Variants in PDE12 observed in about 807,000 individuals in gnomAD.
The protein encoded by PDE12 is phosphodiesterase 12.
PDE12 carries 26 observed loss-of-function variants against 45.4 expected under a neutral mutation model. The observed-to-expected ratio is 0.57, with a 90% CI of 0.42 to 0.79. PDE12 has a LOEUF of 0.79. Ranked by LOEUF, PDE12 falls within the 30% of genes least tolerant of loss-of-function variation. The probability of loss-of-function intolerance (pLI) is 0.00; values close to 1 mark genes in which losing one functional copy is unlikely to be tolerated. For missense variants in PDE12, 668 were observed against 790.0 expected, an observed-to-expected ratio of 0.85 and a Z score of 1.85; for synonymous variants, 283 against 323.9, an observed-to-expected ratio of 0.87 and a Z score of 1.36.
the PDE12 span, among the ~76,000 whole-genome samples, chr3:57,598,969 AG>A: frequency 6.6e-6 from 1 of 152,182 alleles, no homozygotes; most frequent in African/African-American, 2.4e-5. Flanking sequence ...GACAGGCCTC[AG>A]TTAATTTAGA....
the PDE12 span, among the ~76,000 whole-genome samples, chr3:57,618,278 A>G: frequency 6.6e-6 from 1 of 152,220 alleles, no homozygotes; most frequent in Non-Finnish European, 1.5e-5. Flanking sequence ...TCCTCTCTGA[A>G]TCTTAAAGAA....
chr3:57,603,070 G>A, the PDE12 span, among the ~76,000 whole-genome samples: 1 of 151,816 alleles, frequency 6.6e-6, no homozygotes, highest in African/African-American at 2.4e-5. Context: ...AGCAGGCTGA[G>A]GCAGGAGAAT....
chr3:57,577,104 T>C, the PDE12 span, among the ~76,000 whole-genome samples: 647 of 151,924 alleles, frequency 4.3e-3, 3 homozygotes, highest in African/African-American at 0.015. Context: ...CTTACTGAAG[T>C]AGCTACTCTT....
In PDE12 at chr3:57,557,479, C is replaced by T; in HGVS notation, c.1100C>T (p.Ala367Val). The T allele has an allele frequency of 6.2e-7, 1 of 1,614,046 alleles. No individual in the cohort carries two copies. Among genetic ancestry groups the T allele is most frequent in the Non-Finnish European group, 8.5e-7 (1 of 1,180,026 alleles). The part of the protein sequence containing the change: ...FSDSLVPALE[A>V]FGLEGVFRIK... ...GACAGCTTGGTACCCGCCCTAGAGGCCTTCGGGCTCGAGGGGGTGTTTCGA... is the reference window on the plus strand; with the variant it reads ...GACAGCTTGGTACCCGCCCTAGAGGTCTTCGGGCTCGAGGGGGTGTTTCGA... The change falls in exon 1 of 3, where the codon GCC (alanine) becomes GTC (valine). Residue 367 changes from alanine to valine, a missense_variant. Ala to Val is a moderately conservative substitution (Grantham distance 64). Around this residue, in one of 3 missense-constraint regions of PDE12, gnomAD observed 580 missense variants for 662.9 expected, o/e 0.87. Coordinates refer to ENST00000311180, the MANE Select transcript of PDE12 (RefSeq NM_177966.7).
At chr3:57,583,778 G>T in the PDE12 span, 1 of 720,800 alleles carries the variant, frequency 1.4e-6, no homozygotes. Flanking sequence ...TGGAAGTGGT[G>T]ATAAGACAAA....
rs942585039 is a variant in PDE12 at position 57,561,042 on chromosome 3, C to A, written c.*1038C>A. On this transcript the variant is annotated 3_prime_UTR_variant, in exon 3 of 3. Transcript: ENST00000311180. ...GGTACAAATGAACACAGTTTATATT[C>A]TAATTCTTACTGCAGCTCATTTTAA... The A allele has an allele frequency of 3.1e-6, 3 of 975,844 alleles. No homozygotes were observed. The African/African-American group carries it at 5.3e-5, about 17-fold the overall frequency. The allele number at this position is 975,844 out of a possible 1,614,324, so 60.4% of individuals were successfully genotyped here.
chr3:57,597,198 T>C, the PDE12 span: 2 of 1,521,754 alleles, frequency 1.3e-6, no homozygotes, highest in Non-Finnish European at 9.1e-7. Flanking sequence ...GACCCCGTGC[T>C]TTCTCCTTTC....
chr3:57,641,259 T>G, the PDE12 span, among the ~76,000 whole-genome samples: 213 of 144,210 alleles, frequency 1.5e-3, 1 homozygote, highest in South Asian at 3.6e-3. Context: ...TATATTTATA[T>G]TCAATGTTAT....
chr3:57,634,512 T>G, the PDE12 span: 1 of 1,093,988 alleles, frequency 9.1e-7, no homozygotes, highest in Non-Finnish European at 1.3e-6. Flanking sequence ...GGATATTACA[T>G]ACCTGAACAA....
At chr3:57,590,356 G>A in the PDE12 span, among the ~76,000 whole-genome samples, 1 of 150,862 alleles carries the variant, frequency 6.6e-6, no homozygotes, top group Non-Finnish European at 1.5e-5. Flanking sequence ...CGCAGTGGCG[G>A]GTGCCTGTAA....
chr3:57,569,829 C>CAAAAAA (rs11310053), downstream of PDE12, among the ~76,000 whole-genome samples: 2 of 67,874 alleles, frequency 2.9e-5, no homozygotes, highest in Non-Finnish European at 2.6e-5. Flanking sequence ...AAAACCATCT[C>CAAAAAA]AAAAAAAAAA....
At chr3:57,597,200 TCTC>T in the PDE12 span, 1 of 1,520,340 alleles carries the variant, frequency 6.6e-7, no homozygotes, top group South Asian at 1.1e-5. Context: ...CCCCGTGCTT[TCTC>T]CTTTCAAGCT....
chr3:57,560,263 CA>C lies in PDE12; in HGVS notation c.*262del. ...AATAGAAAATTGAATTATTTTTCTC[CA>C]AATTGAGACTCTCAGAAAAGGAAGA... On this transcript the variant is annotated 3_prime_UTR_variant, in exon 3 of 3. Transcript: ENST00000311180. The C allele has an allele frequency of 8.2e-7, 1 of 1,219,952 alleles. No individual in the cohort carries two copies. The highest frequency in any genetic ancestry group is 1.0e-6 in the Non-Finnish European group (1 of 978,380). 75.6% of individuals were successfully genotyped at this position (1,219,952 alleles called of 1,614,324 possible). A position where few individuals can be genotyped will look rare whatever the true frequency, so the allele number is the denominator to read the frequency against.
In PDE12 at chr3:57,556,652, C is replaced by G; in HGVS notation, c.273C>G (p.Ala91=). The G allele has an allele frequency of 4.4e-6, 7 of 1,600,382 alleles. No individual in the cohort carries two copies. The highest frequency in any genetic ancestry group is 6.0e-6 in the Non-Finnish European group (7 of 1,170,356). Reference sequence around the variant, plus strand: ...TAAAGGGTCACGCTAAGGCGGCCGCCGCCAAGAAGAGCAGGAAGAGCCGGC... The same window carrying G: ...TAAAGGGTCACGCTAAGGCGGCCGCGGCCAAGAAGAGCAGGAAGAGCCGGC... ...NALKGHAKAA[A]AKKSRKSRPN... The change falls in exon 1 of 3, where the codon GCC becomes GCG. Residue 91 remains alanine, a synonymous_variant. Coordinates refer to ENST00000311180, the MANE Select transcript of PDE12 (RefSeq NM_177966.7). The surrounding 1 kb of genome is among the most constrained non-coding windows in gnomAD (Gnocchi z 5.0).
chr3:57,566,934 A>G (rs1459898366), downstream of PDE12: 1 of 152,210 alleles, frequency 6.6e-6, no homozygotes, highest in Non-Finnish European at 1.5e-5. Context: ...CCTAAAAAAA[A>G]GAAACACTGT....
chr3:57,578,947 A>G, the PDE12 span, among the ~76,000 whole-genome samples: 1 of 152,292 alleles, frequency 6.6e-6, no homozygotes, highest in Non-Finnish European at 1.5e-5. Context: ...CTTGACTCCT[A>G]AAGTATCAAT....
In PDE12 at chr3:57,559,928, C is replaced by T. The variant is rs748955001; in HGVS notation, c.1754C>T (p.Thr585Ile). Residue 585 changes from threonine to isoleucine, a missense_variant, in exon 3 of 3, where the codon ACC (threonine) becomes ATC (isoleucine). By Grantham distance (89) the Thr-to-Ile change is moderately conservative. Transcript: ENST00000311180. ...VIPLPSHEEV[T>I]THQALPSVSH... Reference sequence around the variant, plus strand: ...CCATTACCTAGTCATGAAGAAGTTACCACCCACCAGGCCTTACCTAGTGTT... The same window carrying T: ...CCATTACCTAGTCATGAAGAAGTTATCACCCACCAGGCCTTACCTAGTGTT... The T allele has an allele frequency of 6.2e-7, 1 of 1,613,728 alleles. No individual in the cohort carries two copies. Among genetic ancestry groups the T allele is most frequent in the Non-Finnish European group, 8.5e-7 (1 of 1,180,006 alleles).
the PDE12 span, among the ~76,000 whole-genome samples, chr3:57,636,180 T>C: frequency 2.0e-5 from 3 of 152,152 alleles, no homozygotes; most frequent in African/African-American, 4.8e-5. Flanking sequence ...ACACAGGAAG[T>C]TGGCATTCCT....
the PDE12 span, among the ~76,000 whole-genome samples, chr3:57,578,654 A>AT: frequency 2.4e-4 from 36 of 151,968 alleles, no homozygotes; most frequent in Middle Eastern, 3.4e-3. Flanking sequence ...TAATTTTTCT[A>AT]TTTTTTGTAG....
Sources: gnomAD v4.1 joint callset for allele counts (sites outside exome capture counted in the v4.1 genomes callset) on GRCh38, gnomAD v4.1.1 for gene constraint, gnomAD v4.1.1 regional missense constraint, Gnocchi (gnomAD v3.1) non-coding constraint, MANE v1.5 for transcripts, NCBI Gene and HGNC (gene_info 2026-07-23, HGNC 2026-07-21) for gene names.